Variants in SNRPN observed in about 807,000 individuals in gnomAD.
SNRPN encodes the protein small nuclear ribonucleoprotein polypeptide N, also known as small nuclear ribonucleoprotein-associated protein N.
In SNRPN, 7 loss-of-function variants were observed where a neutral mutation model predicts 25.2. That is an observed-to-expected ratio of 0.28 (90% CI 0.16 to 0.52). The LOEUF (loss-of-function observed/expected upper bound fraction) is 0.52. Ranked by LOEUF, SNRPN falls within the 20% of genes least tolerant of loss-of-function variation. SNRPN has a pLI of 0.96. For missense variants in SNRPN, 196 were observed against 322.5 expected, an observed-to-expected ratio of 0.61 and a Z score of 3.00; for synonymous variants, 124 against 110.6, an observed-to-expected ratio of 1.12 and a Z score of -0.76.
intron 1 of SNRPN, among the ~76,000 whole-genome samples, chr15:24,958,516 T>A (rs1357694597): frequency 3.6e-5 from 3 of 83,648 alleles, no homozygotes; most frequent in African/African-American, 1.5e-4. Context: ...TTTTTTTTTT[T>A]TTTTAAATAG....
chr15:24,863,041 T>G (rs985844157), intron 1 of SNRPN, among the ~76,000 whole-genome samples: 1 of 150,932 alleles, frequency 6.6e-6, no homozygotes, highest in African/African-American at 2.5e-5. Flanking sequence ...GAATGCCTTT[T>G]CTTCTTTTAA....
intron 3 of SNRPN, among the ~76,000 whole-genome samples, chr15:24,931,522 G>A (rs192880965): frequency 6.6e-6 from 1 of 152,010 alleles, no homozygotes; most frequent in East Asian, 2.0e-4. Flanking sequence ...CCAGGGGTTT[G>A]AGACCAGCCT....
In SNRPN at chr15:24,866,174, CCTG is replaced by C. The variant is rs147396398; in HGVS notation, c.-579+9461_-579+9463del. ...TTTTTCTGAAATTAATATAGCTACTCCTGCTTTTTCTATTTGCTTGCTATATTT... is the reference window on the plus strand; with the variant it reads ...TTTTTCTGAAATTAATATAGCTACTCCTTTTTCTATTTGCTTGCTATATTT... On this transcript the variant is annotated intron_variant, in intron 1 of 11. Transcript: ENST00000400097. Among the ~76,000 whole-genome samples the C allele has an allele frequency of 3.0e-3, 459 of 152,172 alleles. 2 individuals carry two copies. The highest frequency in any genetic ancestry group is 0.01 in the African/African-American group (433 of 41,552).
intron 2 of SNRPN, among the ~76,000 whole-genome samples, chr15:24,893,932 C>G (rs1385255592): frequency 6.6e-6 from 1 of 152,178 alleles, no homozygotes; most frequent in Non-Finnish European, 1.5e-5. Flanking sequence ...AAAACCCAAT[C>G]CGTAAGCCTT....
At chr15:24,879,441 A>G (rs2056366174) in intron 1 of SNRPN, among the ~76,000 whole-genome samples, 1 of 151,432 alleles carries the variant, frequency 6.6e-6, no homozygotes, top group South Asian at 2.1e-4. Context: ...TGTCTCTACA[A>G]AAAAAAAAGA....
intron 2 of SNRPN, among the ~76,000 whole-genome samples, chr15:24,843,730 T>C (rs2051906629): frequency 6.6e-6 from 1 of 150,984 alleles, no homozygotes; most frequent in African/African-American, 2.4e-5. Context: ...GAGGTTGCAG[T>C]GAGCCGAGAT....
intron 2 of SNRPN, among the ~76,000 whole-genome samples, chr15:24,919,440 A>C (rs1461603809): frequency 1.3e-5 from 2 of 151,438 alleles, no homozygotes; most frequent in African/African-American, 4.9e-5. Flanking sequence ...CAAAAAAAAA[A>C]AAAAAATATT....
chr15:24,941,618 A>G (rs61999152), intron 3 of SNRPN, among the ~76,000 whole-genome samples: 7,285 of 152,168 alleles, frequency 0.048, 244 homozygotes, highest in Middle Eastern at 0.11. Context: ...CTTGTACTTC[A>G]TATGTATTCT....
intron 3 of SNRPN, among the ~76,000 whole-genome samples, chr15:24,943,797 T>A (rs1007715782): frequency 5.3e-5 from 8 of 152,248 alleles, no homozygotes; most frequent in African/African-American, 1.9e-4. Flanking sequence ...TACTGACACT[T>A]CAAGCATTAT....
chr15:24,879,758 A>G (rs941258751), intron 1 of SNRPN, among the ~76,000 whole-genome samples: 4 of 152,160 alleles, frequency 2.6e-5, no homozygotes, highest in Admixed American at 6.5e-5. Context: ...TATGCTGTTC[A>G]TTTTTGTATT....
intron 1 of SNRPN, among the ~76,000 whole-genome samples, chr15:24,868,121 G>GTGTA (rs139530727): frequency 0.013 from 1,831 of 145,944 alleles, 35 homozygotes; most frequent in African/African-American, 0.039. Context: ...GTGTGTGTGT[G>GTGTA]TATATATATA....
At chr15:24,906,672 G>A (rs547267710) in intron 2 of SNRPN, among the ~76,000 whole-genome samples, 31 of 152,222 alleles carry the variant, frequency 2.0e-4, no homozygotes, top group African/African-American at 7.2e-4. Context: ...TGTGCTTCCT[G>A]CATCTATTAT....
chr15:24,940,978 C>CTTTTGT (rs1180368423), intron 3 of SNRPN, among the ~76,000 whole-genome samples: 6 of 152,028 alleles, frequency 3.9e-5, no homozygotes, highest in East Asian at 3.9e-4. Context: ...AATCTGTTTT[C>CTTTTGT]TTTTGTTTTT....
chr15:24,832,998 G>A (rs560045612), intron 2 of SNRPN, among the ~76,000 whole-genome samples: 200 of 151,194 alleles, frequency 1.3e-3, no homozygotes, highest in African/African-American at 4.0e-3. Context: ...CCAGCTACTC[G>A]GGAGGCTGAG....
At chr15:24,920,655 A>T (rs1398291814) in intron 3 of SNRPN, 1 of 152,160 alleles carries the variant, frequency 6.6e-6, no homozygotes, top group Non-Finnish European at 1.5e-5. Context: ...TGAGTGCTTT[A>T]TACACTCAAA....
intron 2 of SNRPN, among the ~76,000 whole-genome samples, chr15:24,917,408 C>T (rs58127591): frequency 0.015 from 2,297 of 152,272 alleles, 58 homozygotes; most frequent in African/African-American, 0.051. Context: ...TTCCTGGACT[C>T]TCCTGAAGAG....
intron 2 of SNRPN, among the ~76,000 whole-genome samples, chr15:24,843,275 T>C (rs1170551111): frequency 2.0e-5 from 3 of 152,188 alleles, no homozygotes; most frequent in Non-Finnish European, 4.4e-5. Flanking sequence ...AGGTATTATA[T>C]GGTTACTACA....
At chr15:24,886,567 A>C (rs1346013218) in exon 2 of SNRPN, 2 of 152,224 alleles carry the variant, frequency 1.3e-5, no homozygotes, top group Non-Finnish European at 1.5e-5. Context: ...CACAGCTAGC[A>C]GCCACGTGGG....
At chr15:24,828,886 C>T (rs965415845) in intron 1 of SNRPN, among the ~76,000 whole-genome samples, 4 of 151,890 alleles carry the variant, frequency 2.6e-5, no homozygotes, top group African/African-American at 7.3e-5. Flanking sequence ...GATAGAGCAG[C>T]GTGGCCCAGG....
Sources: gnomAD v4.1 joint callset for allele counts (sites outside exome capture counted in the v4.1 genomes callset) on GRCh38, gnomAD v4.1.1 for gene constraint, MANE v1.5 for transcripts, NCBI Gene and HGNC (gene_info 2026-07-23, HGNC 2026-07-21) for gene names.